DCUN1D5: variants seen among roughly 807,000 people sequenced by gnomAD.
The protein encoded by DCUN1D5 is DCN1-like protein 5.
A neutral mutation model predicts 38.3 loss-of-function variants in DCUN1D5; 10 were observed. The ratio of observed to expected loss-of-function variants is 0.26; its 90% confidence interval spans 0.16 to 0.44. The LOEUF (loss-of-function observed/expected upper bound fraction) is 0.44. Among genes scored for constraint, DCUN1D5 ranks in the 20% least tolerant of loss-of-function variants. The pLI is 1.00. For synonymous variants in DCUN1D5, 93 were observed against 90.9 expected (o/e 1.02, Z -0.13); for missense variants, 148 against 275.3 (o/e 0.54, Z 3.27).
chr11:103,091,768 G>T lies in DCUN1D5; in HGVS notation c.86+19C>A. On this transcript the variant is annotated intron_variant, in intron 1 of 7. Transcript: ENST00000260247. This position sits in a 1 kb window ranked among gnomAD's most constrained non-coding sequence, Gnocchi z 4.3. ...AAAGGAGGGAGGAGGGAAGCTTGAAGGGTGGGGGGAGATGGTACCTGGAGA... is the reference window on the plus strand; with the variant it reads ...AAAGGAGGGAGGAGGGAAGCTTGAATGGTGGGGGGAGATGGTACCTGGAGA... The T allele has an allele frequency of 6.2e-7, 1 of 1,614,006 alleles. No individual in the cohort carries two copies. Among genetic ancestry groups the T allele is most frequent in the Non-Finnish European group, 8.5e-7 (1 of 1,179,886 alleles).
At position 103,077,875 on chromosome 11, in the gene DCUN1D5, T is replaced by C. The variant is rs1415931091; in HGVS notation, c.341+4873A>G. ...AAATGTGCAGAGGGGCATTTTGAAA[T>C]TGTCATAATGACCTTAAGAGAGAAC... On this transcript the variant is annotated intron_variant, in intron 4 of 7. Coordinates refer to ENST00000260247, the MANE Select transcript of DCUN1D5 (RefSeq NM_032299.4). The surrounding 1 kb of genome is among the most constrained non-coding windows in gnomAD (Gnocchi z 4.3). 3.9e-5 allele frequency among the ~76,000 whole-genome samples: 6 copies of C among 152,172 alleles called. No homozygotes were observed. The highest frequency in any genetic ancestry group is 8.8e-5 in the Non-Finnish European group (6 of 68,036).
rs1458404065 is a variant in DCUN1D5, at chr11:103,083,089, T to TACA, written c.249+164_249+166dup. ...ATATAACATTTGTATCAAGAAAGAATACATTTGCCCAACTTAAACTGATTA... is the reference window on the plus strand; with the variant it reads ...ATATAACATTTGTATCAAGAAAGAATACAACATTTGCCCAACTTAAACTGATTA... On this transcript the variant is annotated intron_variant, in intron 3 of 7. Transcript: ENST00000260247. The surrounding 1 kb of genome is among the most constrained non-coding windows in gnomAD (Gnocchi z 4.4). 8.5e-5 allele frequency among the ~76,000 whole-genome samples: 13 copies of TACA among 152,166 alleles called. No individual in the cohort carries two copies. Among genetic ancestry groups the TACA allele is most frequent in the African/African-American group, 3.1e-4 (13 of 41,568 alleles).
chr11:103,091,971 A>C lies in DCUN1D5; in HGVS notation c.-99T>G. 7.7e-6 allele frequency: 9 copies of C among 1,168,572 alleles called. No homozygotes were observed. Among genetic ancestry groups the C allele is most frequent in the Non-Finnish European group, 1.1e-5 (9 of 841,726 alleles). The allele number at this position is 1,168,572 out of a possible 1,614,324, so 72.4% of individuals were successfully genotyped here. ...CTGGCACCCAGTTCCCAGAGACAGCAGCAAGCGGAGGAGCAGAGTCGCCAG... is the reference window on the plus strand; with the variant it reads ...CTGGCACCCAGTTCCCAGAGACAGCCGCAAGCGGAGGAGCAGAGTCGCCAG... On this transcript the variant is annotated 5_prime_UTR_variant, in exon 1 of 8. Coordinates refer to ENST00000260247, the MANE Select transcript of DCUN1D5 (RefSeq NM_032299.4). This position sits in a 1 kb window ranked among gnomAD's most constrained non-coding sequence, Gnocchi z 4.3.
chr11:103,081,626 T>C (rs763080186), intron 4 of DCUN1D5, among the ~76,000 whole-genome samples: 13 of 152,288 alleles, frequency 8.5e-5, no homozygotes, highest in Non-Finnish European at 1.8e-4. Context: ...TAAGCACTAC[T>C]ACTAAGGAAC....
rs1171247281 is a variant in DCUN1D5 at position 103,071,918 on chromosome 11, T to A, written c.342-5351A>T. Among the ~76,000 whole-genome samples the A allele has an allele frequency of 6.6e-6, 1 of 151,310 alleles. No homozygotes were observed. The highest frequency in any genetic ancestry group is 6.6e-5 in the Admixed American group (1 of 15,246). On this transcript the variant is annotated intron_variant, in intron 4 of 7. Coordinates refer to ENST00000260247, the MANE Select transcript of DCUN1D5 (RefSeq NM_032299.4). This position sits in a 1 kb window ranked among gnomAD's most constrained non-coding sequence, Gnocchi z 4.1. Reference sequence around the variant, plus strand: ...TAAAATATTTAAAAAAAGAAAAATTTATTTAATAAAGCCAGTATTACTTGA... The same window carrying A: ...TAAAATATTTAAAAAAAGAAAAATTAATTTAATAAAGCCAGTATTACTTGA...
chr11:103,082,652 A>T, intron 4 of DCUN1D5, 96 bp downstream of exon 4: 1 of 806,800 alleles, frequency 1.2e-6, no homozygotes, highest in Non-Finnish European at 2.0e-6. Context: ...GATTTGATTT[A>T]AGGTGAAACC....
Position 103,077,926 on chromosome 11 carries a change from T to C in DCUN1D5, c.341+4822A>G, listed in dbSNP as rs745654418. On this transcript the variant is annotated intron_variant, in intron 4 of 7. Transcript: ENST00000260247. This position sits in a 1 kb window ranked among gnomAD's most constrained non-coding sequence, Gnocchi z 4.3. ...AGAGGGAAAGGATGCTAATGGCAAT[T>C]AGTAGTTGGGCCCCAAATGCTAAAT... Among the ~76,000 whole-genome samples, 1 of 152,064 alleles carries C rather than the reference T, an allele frequency of 6.6e-6. No homozygotes were observed. The highest frequency in any genetic ancestry group is 1.5e-5 in the Non-Finnish European group (1 of 68,024).
In DCUN1D5 at chr11:103,053,669, CA is replaced by C. The variant is rs1861802537; in HGVS notation, c.*8689del. 1 of 151,458 alleles carries C rather than the reference CA, an allele frequency of 6.6e-6. No individual in the cohort carries two copies. Among genetic ancestry groups the C allele is most frequent in the African/African-American group, 2.4e-5 (1 of 41,226 alleles). The allele number at this position is 151,458 out of a possible 1,614,324, so 9.4% of individuals were successfully genotyped here. A position where few individuals can be genotyped will look rare whatever the true frequency, so the allele number is the denominator to read the frequency against. ...TATATCATACTATCACATGTACCCCCAAATAAATACATCATGTATCAATGAA... is the reference window on the plus strand; with the variant it reads ...TATATCATACTATCACATGTACCCCCAATAAATACATCATGTATCAATGAA... On this transcript the variant is annotated 3_prime_UTR_variant, in exon 8 of 8. Coordinates refer to ENST00000260247, the MANE Select transcript of DCUN1D5 (RefSeq NM_032299.4). The surrounding 1 kb of genome is among the most constrained non-coding windows in gnomAD (Gnocchi z 4.8).
chr11:103,078,432 A>G lies in DCUN1D5; in HGVS notation c.341+4316T>C, dbSNP rs1862465233. Among the ~76,000 whole-genome samples the G allele has an allele frequency of 6.6e-6, 1 of 152,228 alleles. No individual in the cohort carries two copies. Among genetic ancestry groups the G allele is most frequent in the South Asian group, 2.1e-4 (1 of 4,828 alleles). On this transcript the variant is annotated intron_variant, in intron 4 of 7. Transcript: ENST00000260247. This position sits in a 1 kb window ranked among gnomAD's most constrained non-coding sequence, Gnocchi z 4.6. ...ACATCAAATTTTTGTGTCTAGCAGT[A>G]CATGTGCCTCTTAATGGGAACGAGG...
In DCUN1D5 at chr11:103,065,383, C is replaced by T. The variant is rs1862109748; in HGVS notation, c.555+886G>A. ...TGTTGGCCAGGCTGGTCTCGAACTCCTGGCCTCAAGTGATCTGCCTGCCTT... is the reference window on the plus strand; with the variant it reads ...TGTTGGCCAGGCTGGTCTCGAACTCTTGGCCTCAAGTGATCTGCCTGCCTT... On this transcript the variant is annotated intron_variant, in intron 6 of 7. Coordinates refer to ENST00000260247, the MANE Select transcript of DCUN1D5 (RefSeq NM_032299.4). The surrounding 1 kb of genome is among the most constrained non-coding windows in gnomAD (Gnocchi z 4.6). Among the ~76,000 whole-genome samples, 1 of 152,182 alleles carries T rather than the reference C, an allele frequency of 6.6e-6. No homozygotes were observed. The highest frequency in any genetic ancestry group is 1.5e-5 in the Non-Finnish European group (1 of 68,018).
Position 103,055,681 on chromosome 11 carries a change from C to T in DCUN1D5, c.*6678G>A, listed in dbSNP as rs187297773. ...CACAAAAGTTGGCCTTGAATTTCATCGATCATATGTCTTCAATTAAGTTCT... is the reference window on the plus strand; with the variant it reads ...CACAAAAGTTGGCCTTGAATTTCATTGATCATATGTCTTCAATTAAGTTCT... On this transcript the variant is annotated 3_prime_UTR_variant, in exon 8 of 8. Coordinates refer to ENST00000260247, the MANE Select transcript of DCUN1D5 (RefSeq NM_032299.4). 45 of 152,266 alleles carry T rather than the reference C, an allele frequency of 3.0e-4. No homozygotes were observed. Among genetic ancestry groups the T allele is most frequent in the African/African-American group, 1.1e-3 (44 of 41,556 alleles). The allele number at this position is 152,266 out of a possible 1,614,324, so 9.4% of individuals were successfully genotyped here. A position where few individuals can be genotyped will look rare whatever the true frequency, so the allele number is the denominator to read the frequency against.
In DCUN1D5 at chr11:103,065,675, G is replaced by A. The variant is rs1449242683; in HGVS notation, c.555+594C>T. 2.6e-5 allele frequency among the ~76,000 whole-genome samples: 4 copies of A among 151,218 alleles called. No homozygotes were observed. Among genetic ancestry groups the A allele is most frequent in the African/African-American group, 9.7e-5 (4 of 41,184 alleles). ...GGAAAAAAAGAATAGCATCTTCTTA[G>A]AATCACTGCCTATAGTAGTTGCTAT... On this transcript the variant is annotated intron_variant, in intron 6 of 7. Coordinates refer to ENST00000260247, the MANE Select transcript of DCUN1D5 (RefSeq NM_032299.4). The surrounding 1 kb of genome is among the most constrained non-coding windows in gnomAD (Gnocchi z 4.6).
rs911102627 is a variant in DCUN1D5 at position 103,083,096 on chromosome 11, G to A, written c.249+160C>T. On this transcript the variant is annotated intron_variant, in intron 3 of 7. Coordinates refer to ENST00000260247, the MANE Select transcript of DCUN1D5 (RefSeq NM_032299.4). The surrounding 1 kb of genome is among the most constrained non-coding windows in gnomAD (Gnocchi z 4.4). Reference sequence around the variant, plus strand: ...ATTTGTATCAAGAAAGAATACATTTGCCCAACTTAAACTGATTAAAAATAC... The same window carrying A: ...ATTTGTATCAAGAAAGAATACATTTACCCAACTTAAACTGATTAAAAATAC... Among the ~76,000 whole-genome samples the A allele has an allele frequency of 2.0e-5, 3 of 151,842 alleles. No individual in the cohort carries two copies. Among genetic ancestry groups the A allele is most frequent in the Non-Finnish European group, 4.4e-5 (3 of 67,856 alleles).
chr11:103,070,938 T>C (rs779747612), intron 4 of DCUN1D5, among the ~76,000 whole-genome samples: 1 of 152,026 alleles, frequency 6.6e-6, no homozygotes, highest in Non-Finnish European at 1.5e-5. Flanking sequence ...CTCCAAACAC[T>C]TGGAAACTAA....
rs978731076 is a variant in DCUN1D5 at position 103,078,736 on chromosome 11, T to C, written c.341+4012A>G. On this transcript the variant is annotated intron_variant, in intron 4 of 7. Transcript: ENST00000260247. This position sits in a 1 kb window ranked among gnomAD's most constrained non-coding sequence, Gnocchi z 4.6. ...GAAATCAAACTACTTCCTTCAAACA[T>C]ATGCTTTCCTTCCTCAAGGTCCTGC... is the stretch of plus-strand genomic sequence containing the variant. Among the ~76,000 whole-genome samples, 2 of 152,224 alleles carry C rather than the reference T, an allele frequency of 1.3e-5. No homozygotes were observed. Among genetic ancestry groups the C allele is most frequent in the South Asian group, 2.1e-4 (1 of 4,836 alleles).
At position 103,091,598 on chromosome 11, in the gene DCUN1D5, G is replaced by T. The variant is rs1591234505; in HGVS notation, c.86+189C>A. 1.0e-6 allele frequency: 1 copy of T among 966,344 alleles called. No individual in the cohort carries two copies. Among genetic ancestry groups the T allele is most frequent in the Non-Finnish European group, 1.6e-6 (1 of 641,866 alleles). The allele number at this position is 966,344 out of a possible 1,614,324, so 59.9% of individuals were successfully genotyped here. On this transcript the variant is annotated intron_variant, in intron 1 of 7. Transcript: ENST00000260247. The surrounding 1 kb of genome is among the most constrained non-coding windows in gnomAD (Gnocchi z 4.3). ...CTAGTCTCTCCATAAACGCCAGCGT[G>T]CACACACTCGAACACGAGGTCGGGT...
chr11:103,081,409 G>A (rs1234214994), intron 4 of DCUN1D5, among the ~76,000 whole-genome samples: 3 of 152,064 alleles, frequency 2.0e-5, no homozygotes, highest in African/African-American at 4.8e-5. Context: ...ATTAAATGTT[G>A]AGAAATAATC....
At position 103,060,256 on chromosome 11, in the gene DCUN1D5, AGG is replaced by A. The variant is rs1861980593; in HGVS notation, c.*2101_*2102del. 6.6e-6 allele frequency among the ~76,000 whole-genome samples: 1 copy of A among 152,152 alleles called. No individual in the cohort carries two copies. Among genetic ancestry groups the A allele is most frequent in the Non-Finnish European group, 1.5e-5 (1 of 68,016 alleles). On this transcript the variant is annotated 3_prime_UTR_variant, in exon 8 of 8. Coordinates refer to ENST00000260247, the MANE Select transcript of DCUN1D5 (RefSeq NM_032299.4). ...CTCCAAAGTATGGCTAGGGTAGGAT[AGG>A]ACAGTTGACTTTAAGGGAAAAAATA...
At chr11:103,081,695 G>A (rs1274878864) in intron 4 of DCUN1D5, among the ~76,000 whole-genome samples, 2 of 152,080 alleles carry the variant, frequency 1.3e-5, no homozygotes, top group Non-Finnish European at 2.9e-5. Flanking sequence ...ATGGAAGTGG[G>A]AGGGTTGATT....
Sources: gnomAD v4.1 joint callset for allele counts (sites outside exome capture counted in the v4.1 genomes callset) on GRCh38, gnomAD v4.1.1 for gene constraint, Gnocchi (gnomAD v3.1) non-coding constraint, MANE v1.5 for transcripts, NCBI Gene and HGNC (gene_info 2026-07-23, HGNC 2026-07-21) for gene names.